The following TFEC variants were observed in gnomAD, a reference collection of about 807,000 sequenced individuals.
The protein encoded by TFEC is class E basic helix-loop-helix protein 34.
TFEC carries 31 observed loss-of-function variants against 41.6 expected under a neutral mutation model. The ratio of observed to expected loss-of-function variants is 0.74; its 90% CI spans 0.56 to 1.01. The LOEUF (loss-of-function observed/expected upper bound fraction) is 1.01, where lower values mean the gene tolerates loss of function less well. Ranked by LOEUF, TFEC falls within the 50% of genes least tolerant of loss-of-function variation. The probability of loss-of-function intolerance (pLI) is 0.00; values close to 1 mark genes in which losing one functional copy is unlikely to be tolerated. For synonymous variants in TFEC, 143 were observed against 140.6 expected (o/e 1.02, Z -0.12); for missense variants, 402 against 404.1 (o/e 0.99, Z 0.04).
intron 1 of TFEC, among the ~76,000 whole-genome samples, chr7:116,001,558 T>C (rs1461028440): frequency 6.6e-6 from 1 of 150,400 alleles, no homozygotes; most frequent in Non-Finnish European, 1.5e-5. Context: ...AAAAAAACAT[T>C]GGGGAAACTC....
chr7:116,061,963 G>C (rs1796567710), intron 3 of TFEC, among the ~76,000 whole-genome samples: 1 of 151,534 alleles, frequency 6.6e-6, no homozygotes, highest in Non-Finnish European at 1.5e-5. Flanking sequence ...AGGTTGTGAA[G>C]GAACTTGAAC....
intron 1 of TFEC, among the ~76,000 whole-genome samples, chr7:115,993,038 G>A (rs1053006489): frequency 2.0e-5 from 3 of 152,142 alleles, no homozygotes; most frequent in African/African-American, 7.2e-5. Flanking sequence ...TGGGATGCAA[G>A]GCTGGTTCAA....
At chr7:116,020,158 A>G (rs1795339974) in intron 1 of TFEC, among the ~76,000 whole-genome samples, 1 of 152,158 alleles carries the variant, frequency 6.6e-6, no homozygotes. Flanking sequence ...TCTGAAGCAA[A>G]ACGATAATTC....
At chr7:116,090,753 C>T (rs549237096) in intron 3 of TFEC, among the ~76,000 whole-genome samples, 5 of 152,134 alleles carry the variant, frequency 3.3e-5, no homozygotes, top group African/African-American at 7.2e-5. Context: ...ATACTTTGCA[C>T]GTGCTCAAAA....
chr7:116,110,990 T>A, intron 2 of TFEC: 1 of 809,940 alleles, frequency 1.2e-6, no homozygotes. Context: ...TTTTATCACC[T>A]GAGACTACAT....
At chr7:116,112,141 T>C (rs977375255) in intron 1 of TFEC, 31 of 484,230 alleles carry the variant, frequency 6.4e-5, no homozygotes, top group Non-Finnish European at 7.3e-5. Flanking sequence ...AAAACATACA[T>C]TGGATGTTCA....
rs1293433767 is a variant in TFEC, at chr7:115,974,426, A to ATG, written c.181-171_181-170insCA. ...CAATATTATATATATATATATATAT[A>ATG]TATATATATATATATATATATATAA... On this transcript the variant is annotated intron_variant, in intron 2 of 7. Coordinates refer to ENST00000265440, the MANE Select transcript of TFEC (RefSeq NM_012252.4). Among the ~76,000 whole-genome samples, 83 of 49,300 alleles carry ATG rather than the reference A, an allele frequency of 1.7e-3. 1 individual carries two copies. The highest frequency in any genetic ancestry group is 5.9e-3 in the African/African-American group (82 of 13,960). The allele number at this position is 49,300 out of a possible 152,430, so 32.3% of individuals were successfully genotyped here.
intron 1 of TFEC, among the ~76,000 whole-genome samples, chr7:115,990,008 G>C (rs1352859304): frequency 6.6e-6 from 1 of 152,154 alleles, no homozygotes; most frequent in Non-Finnish European, 1.5e-5. Context: ...ATACAGCCAG[G>C]TGCCCCTCTG....
At chr7:115,949,302 C>T (rs1185283192) in intron 6 of TFEC, among the ~76,000 whole-genome samples, 2 of 151,910 alleles carry the variant, frequency 1.3e-5, no homozygotes, top group Non-Finnish European at 1.5e-5. Context: ...TCAATGCCAT[C>T]CCCATCAAGC....
intron 3 of TFEC, among the ~76,000 whole-genome samples, chr7:116,047,823 A>T (rs186414794): frequency 5.9e-5 from 9 of 152,310 alleles, no homozygotes; most frequent in Non-Finnish European, 1.2e-4. Flanking sequence ...AGGATCAGGC[A>T]GCAACATTTG....
rs1793368939 is a variant in TFEC at position 115,939,187 on chromosome 7, T to G, written c.*1364A>C. ...GCATTCTCATTAACTACCTTAGGAG[T>G]AAGACCATATCTTTTTCAACTCTTC... On this transcript the variant is annotated 3_prime_UTR_variant, in exon 8 of 8. Transcript: ENST00000265440. The G allele has an allele frequency of 6.6e-6, 1 of 151,988 alleles. No homozygotes were observed. The highest frequency in any genetic ancestry group is 2.1e-4 in the South Asian group (1 of 4,828). 9.4% of individuals were successfully genotyped at this position (151,988 alleles called of 1,614,324 possible).
At chr7:116,130,497 T>C (rs1798311187) in intron 1 of TFEC, among the ~76,000 whole-genome samples, 1 of 152,192 alleles carries the variant, frequency 6.6e-6, no homozygotes, top group Non-Finnish European at 1.5e-5. Context: ...AAGAGACAAG[T>C]GGTCAGAATC....
intron 1 of TFEC, among the ~76,000 whole-genome samples, chr7:115,995,574 G>T (rs1794330564): frequency 6.6e-6 from 1 of 152,056 alleles, no homozygotes; most frequent in African/African-American, 2.4e-5. Context: ...CTCCATGCAG[G>T]AACAACAAAT....
intron 1 of TFEC, among the ~76,000 whole-genome samples, chr7:116,009,998 A>G (rs1369166634): frequency 6.6e-6 from 1 of 152,208 alleles, no homozygotes; most frequent in Non-Finnish European, 1.5e-5. Context: ...GGGCTCAAAC[A>G]GGATGGGTGA....
chr7:116,103,754 G>A (rs1584520080), intron 3 of TFEC, among the ~76,000 whole-genome samples: 1 of 152,108 alleles, frequency 6.6e-6, no homozygotes, highest in Admixed American at 6.6e-5. Context: ...TTGAAAATGA[G>A]GAGAGCAGTT....
chr7:116,138,619 A>ACATGTATAT (rs1798480874), intron 1 of TFEC, among the ~76,000 whole-genome samples: 1 of 152,242 alleles, frequency 6.6e-6, no homozygotes. Flanking sequence ...CAATTAAAGA[A>ACATGTATAT]CATGTATATC....
intron 3 of TFEC, among the ~76,000 whole-genome samples, chr7:116,073,763 G>C (rs1003401884): frequency 6.6e-6 from 1 of 151,820 alleles, no homozygotes; most frequent in Non-Finnish European, 1.5e-5. Flanking sequence ...AAAATAATCA[G>C]AACAATTTGG....
At chr7:115,960,140 C>A (rs537271225) in intron 3 of TFEC, among the ~76,000 whole-genome samples, 1 of 150,922 alleles carries the variant, frequency 6.6e-6, no homozygotes, top group Non-Finnish European at 1.5e-5. Context: ...AGAAAAAAAT[C>A]TAAAAGCCTA....
intron 3 of TFEC, among the ~76,000 whole-genome samples, chr7:116,092,954 C>T (rs1056283934): frequency 6.6e-6 from 1 of 152,022 alleles, no homozygotes; most frequent in Admixed American, 6.6e-5. Flanking sequence ...ACAAAAGGCC[C>T]CAATAAGTGC....
Sources: gnomAD v4.1 joint callset for allele counts (sites outside exome capture counted in the v4.1 genomes callset) on GRCh38, gnomAD v4.1.1 for gene constraint, MANE v1.5 for transcripts, NCBI Gene and HGNC (gene_info 2026-07-23, HGNC 2026-07-21) for gene names.